The following TMT1A variants were observed in gnomAD, a reference collection of about 807,000 sequenced individuals.
TMT1A encodes the protein thiol S-methyltransferase TMT1A.
the TMT1A span, among the ~76,000 whole-genome samples, chr12:50,928,843 T>C: frequency 6.6e-6 from 1 of 152,156 alleles, no homozygotes; most frequent in South Asian, 2.1e-4. Context: ...GTCTCCTGGA[T>C]TGCTCAGAGG....
the TMT1A span, among the ~76,000 whole-genome samples, chr12:50,929,161 G>C: frequency 6.6e-6 from 1 of 152,188 alleles, no homozygotes; most frequent in African/African-American, 2.4e-5. Context: ...CTTGAGCCCA[G>C]GAGGCAGAGG....
the TMT1A span, among the ~76,000 whole-genome samples, chr12:50,927,003 G>T: frequency 6.6e-6 from 1 of 152,078 alleles, no homozygotes; most frequent in Non-Finnish European, 1.5e-5. Context: ...TGGGGGAAAG[G>T]CATGTTTTGT....
At chr12:50,930,246 G>C in the TMT1A span, 1 of 1,038,962 alleles carries the variant, frequency 9.6e-7, no homozygotes, top group African/African-American at 1.7e-5. Flanking sequence ...CCTTTTTTTT[G>C]GGGGGCGGTT....
chr12:50,926,342 G>A, the TMT1A span, among the ~76,000 whole-genome samples: 1 of 152,318 alleles, frequency 6.6e-6, no homozygotes, highest in East Asian at 1.9e-4. Context: ...TTTAAGGTCA[G>A]TATAGGGTTG....
chr12:50,929,213 T>TG, the TMT1A span, among the ~76,000 whole-genome samples: 1 of 152,146 alleles, frequency 6.6e-6, no homozygotes, highest in Non-Finnish European at 1.5e-5. Flanking sequence ...CCATCCTGGG[T>TG]GACAGAGCCA....
chr12:50,927,113 G>A, the TMT1A span, among the ~76,000 whole-genome samples: 1 of 152,022 alleles, frequency 6.6e-6, no homozygotes, highest in Non-Finnish European at 1.5e-5. Flanking sequence ...TTGACCTGCT[G>A]GACTCAAGCA....
chr12:50,930,227 G>A, the TMT1A span: 1 of 1,186,068 alleles, frequency 8.4e-7, no homozygotes. Context: ...CTAAGTGGGA[G>A]AAGAGAAACC....
the TMT1A span, among the ~76,000 whole-genome samples, chr12:50,925,985 C>T: frequency 1.5e-5 from 2 of 132,260 alleles, no homozygotes; most frequent in Admixed American, 8.4e-5. Flanking sequence ...CCACAGCACT[C>T]CAGCCTAGGC....
At chr12:50,929,282 T>C in the TMT1A span, among the ~76,000 whole-genome samples, 1 of 152,154 alleles carries the variant, frequency 6.6e-6, no homozygotes, top group Admixed American at 6.5e-5. Context: ...AATTTTTCTA[T>C]TCGTAACATA....
At chr12:50,928,497 T>A in the TMT1A span, among the ~76,000 whole-genome samples, 2 of 152,332 alleles carry the variant, frequency 1.3e-5, no homozygotes, top group African/African-American at 4.8e-5. Flanking sequence ...TCCTGGTGGC[T>A]CCACCCCATT....
the TMT1A span, among the ~76,000 whole-genome samples, chr12:50,929,337 A>G: frequency 6.6e-6 from 1 of 152,190 alleles, no homozygotes; most frequent in Non-Finnish European, 1.5e-5. Context: ...CCATCACTAA[A>G]CTGAATTCTC....
chr12:50,928,213 T>C, the TMT1A span, among the ~76,000 whole-genome samples: 1 of 152,328 alleles, frequency 6.6e-6, no homozygotes, highest in African/African-American at 2.4e-5. Context: ...CTATCACTCT[T>C]GCTGGCTCTT....
At chr12:50,927,995 T>C in the TMT1A span, among the ~76,000 whole-genome samples, 1 of 152,154 alleles carries the variant, frequency 6.6e-6, no homozygotes, top group Non-Finnish European at 1.5e-5. Flanking sequence ...TGGCTAACTT[T>C]TATATTTTTA....
chr12:50,928,975 C>T, the TMT1A span, among the ~76,000 whole-genome samples: 1 of 152,146 alleles, frequency 6.6e-6, no homozygotes, highest in Middle Eastern at 3.4e-3. Flanking sequence ...CGGTAGCTCA[C>T]GCCTGTAATC....
chr12:50,925,160 T>C, the TMT1A span: 1 of 1,614,184 alleles, frequency 6.2e-7, no homozygotes, highest in Non-Finnish European at 8.5e-7. Context: ...TACTTCTTGG[T>C]GAGGTTCACT....
the TMT1A span, among the ~76,000 whole-genome samples, chr12:50,926,052 A>G: frequency 1.3e-5 from 2 of 148,652 alleles, no homozygotes; most frequent in Non-Finnish European, 3.0e-5. Flanking sequence ...AAGAAAGAAA[A>G]AAAAGAATAA....
the TMT1A span, chr12:50,929,901 C>A: frequency 6.9e-7 from 1 of 1,449,000 alleles, no homozygotes; most frequent in Non-Finnish European, 9.3e-7. Flanking sequence ...TTTTTTTTTT[C>A]TTTCTTTCTC....
chr12:50,925,628 A>G, the TMT1A span: 7 of 1,387,762 alleles, frequency 5.0e-6, no homozygotes, highest in Non-Finnish European at 6.7e-6. Context: ...ACATTTTAAC[A>G]TAAAAAGTAA....
chr12:50,927,638 A>G, the TMT1A span, among the ~76,000 whole-genome samples: 1 of 152,208 alleles, frequency 6.6e-6, no homozygotes, highest in Non-Finnish European at 1.5e-5. Context: ...AGTCTTCCTT[A>G]GCTCCTGCCA....
Sources: allele counts gnomAD v4.1 joint callset (sites outside exome capture counted in the v4.1 genomes callset), GRCh38; gene constraint gnomAD v4.1.1; transcripts MANE v1.5; gene names NCBI Gene and HGNC (gene_info 2026-07-23, HGNC 2026-07-21).